ERC2: variants seen among roughly 807,000 people sequenced by gnomAD.
ERC2 encodes ERC protein 2.
ERC2 carries 42 observed loss-of-function variants against 114.8 expected under a neutral mutation model. The observed-to-expected ratio is 0.37, with a 90% CI of 0.29 to 0.47. The LOEUF (loss-of-function observed/expected upper bound fraction) is 0.47. ERC2 is among the 20% of genes least tolerant of loss of function. The pLI is 0.99. For missense variants in ERC2, 939 were observed against 1,150.7 expected (o/e 0.82, Z 2.66); for synonymous variants, 454 against 425.5 (o/e 1.07, Z -0.82).
intron 13 of ERC2, among the ~76,000 whole-genome samples, chr3:55,942,311 C>T (rs1274020712): frequency 2.3e-5 from 2 of 87,876 alleles, no homozygotes; most frequent in African/African-American, 9.7e-5. Context: ...TTTGTTGAGA[C>T]GGAGTCTCGC....
intron 3 of ERC2, among the ~76,000 whole-genome samples, chr3:56,214,034 T>A (rs1008902386): frequency 6.6e-6 from 1 of 152,096 alleles, no homozygotes; most frequent in Admixed American, 6.5e-5. Context: ...CAAAGGTAGA[T>A]AGAACCACAA....
intron 6 of ERC2, among the ~76,000 whole-genome samples, chr3:56,086,834 A>G (rs560400596): frequency 7.5e-4 from 114 of 152,280 alleles, no homozygotes; most frequent in African/African-American, 2.6e-3. Flanking sequence ...AGTCTAGATT[A>G]TACTCCAACA....
intron 14 of ERC2, among the ~76,000 whole-genome samples, chr3:55,886,445 G>A (rs2063350209): frequency 1.3e-5 from 2 of 151,954 alleles, no homozygotes; most frequent in Non-Finnish European, 1.5e-5. Flanking sequence ...TTGTTTTCTA[G>A]GAAATGAATT....
intron 17 of ERC2, among the ~76,000 whole-genome samples, chr3:55,643,772 A>T (rs1025772670): frequency 6.6e-6 from 1 of 152,232 alleles, no homozygotes; most frequent in African/African-American, 2.4e-5. Context: ...TAGTAAAATC[A>T]GATGTAAGTT....
intron 2 of ERC2, among the ~76,000 whole-genome samples, chr3:56,427,508 T>A (rs2061618063): frequency 6.6e-6 from 1 of 152,194 alleles, no homozygotes; most frequent in Non-Finnish European, 1.5e-5. Context: ...TCGAATTGTG[T>A]ATCCCTACCC....
intron 14 of ERC2, among the ~76,000 whole-genome samples, chr3:55,763,772 C>T (rs1423665401): frequency 6.6e-6 from 1 of 152,136 alleles, no homozygotes; most frequent in Admixed American, 6.5e-5. Flanking sequence ...TATTTTCTCA[C>T]CTTTTATTTC....
At chr3:55,997,076 C>T (rs1305326623) in intron 10 of ERC2, among the ~76,000 whole-genome samples, 1 of 152,172 alleles carries the variant, frequency 6.6e-6, no homozygotes, top group Non-Finnish European at 1.5e-5. Flanking sequence ...TGAAACAAGG[C>T]AGGGAACATT....
At chr3:56,142,636 C>G (rs973496696) in intron 5 of ERC2, among the ~76,000 whole-genome samples, 5 of 151,872 alleles carry the variant, frequency 3.3e-5, no homozygotes, top group Non-Finnish European at 5.9e-5. Context: ...GTCTCTTGTT[C>G]TTTATTCATA....
At chr3:55,593,802 A>G (rs2058013835) in intron 17 of ERC2, among the ~76,000 whole-genome samples, 1 of 152,110 alleles carries the variant, frequency 6.6e-6, no homozygotes. Context: ...TGGTCCACAA[A>G]GAGGCCCCAT....
chr3:55,770,783 C>G (rs1181084749), intron 14 of ERC2, among the ~76,000 whole-genome samples: 1 of 152,026 alleles, frequency 6.6e-6, no homozygotes. Flanking sequence ...TCTCCTAATG[C>G]TCTCCCTCCC....
intron 6 of ERC2, among the ~76,000 whole-genome samples, chr3:56,115,008 A>G (rs2079149648): frequency 6.6e-6 from 1 of 152,170 alleles, no homozygotes; most frequent in African/African-American, 2.4e-5. Context: ...TTGTATGGAT[A>G]ACAACACTAT....
intron 16 of ERC2, among the ~76,000 whole-genome samples, chr3:55,698,071 T>A (rs1387578638): frequency 6.6e-6 from 1 of 151,998 alleles, no homozygotes; most frequent in East Asian, 1.9e-4. Flanking sequence ...AATTGACACC[T>A]CTCTCCACAT....
At chr3:56,464,272 G>A (rs1008005503) in intron 1 of ERC2, among the ~76,000 whole-genome samples, 1 of 152,240 alleles carries the variant, frequency 6.6e-6, no homozygotes, top group African/African-American at 2.4e-5. Flanking sequence ...CAGGTTATTA[G>A]TGAAAGTGAC....
chr3:56,343,465 A>T (rs1180034423), intron 2 of ERC2, among the ~76,000 whole-genome samples: 1 of 152,016 alleles, frequency 6.6e-6, no homozygotes, highest in Non-Finnish European at 1.5e-5. Flanking sequence ...TTAAAAAAAA[A>T]AAATTAGCCA....
chr3:56,005,499 A>C (rs550216598), intron 10 of ERC2, among the ~76,000 whole-genome samples: 6 of 152,220 alleles, frequency 3.9e-5, no homozygotes, highest in African/African-American at 1.4e-4. Flanking sequence ...AGTATAAGCA[A>C]CAATATGTGA....
At chr3:56,177,935 G>A (rs1283898213) in intron 3 of ERC2, among the ~76,000 whole-genome samples, 1 of 152,092 alleles carries the variant, frequency 6.6e-6, no homozygotes. Context: ...AAGAAAATTG[G>A]TGGCATCACA....
chr3:56,460,896 G>A (rs528018370), intron 1 of ERC2, among the ~76,000 whole-genome samples: 22 of 150,310 alleles, frequency 1.5e-4, no homozygotes, highest in Admixed American at 2.7e-4. Context: ...CGAGGCGGGC[G>A]GATCACGGGG....
chr3:56,027,823 C>G (rs1370300550), intron 7 of ERC2, among the ~76,000 whole-genome samples: 1 of 152,116 alleles, frequency 6.6e-6, no homozygotes, highest in African/African-American at 2.4e-5. Flanking sequence ...ATCAGTCTTT[C>G]CTTTCATGGA....
intron 2 of ERC2, among the ~76,000 whole-genome samples, chr3:56,403,869 C>T (rs548882655): frequency 1.3e-5 from 2 of 152,352 alleles, no homozygotes; most frequent in East Asian, 3.9e-4. Flanking sequence ...GAAGGGAAGG[C>T]TGTGCTTCAG....
Sources: allele counts gnomAD v4.1 joint callset (sites outside exome capture counted in the v4.1 genomes callset), GRCh38; gene constraint gnomAD v4.1.1; transcripts MANE v1.5; gene names NCBI Gene and HGNC (gene_info 2026-07-23, HGNC 2026-07-21).